PLXNC1: variants seen among roughly 807,000 people sequenced by gnomAD.
PLXNC1 encodes the protein plexin C1.
In PLXNC1, 75 loss-of-function variants were observed where a neutral mutation model predicts 178.2. That is an observed-to-expected ratio of 0.42 (90% confidence interval 0.35 to 0.51). The LOEUF (loss-of-function observed/expected upper bound fraction) is 0.51, where lower values mean the gene tolerates loss of function less well. Ranked by LOEUF, PLXNC1 falls within the 20% of genes least tolerant of loss-of-function variation. PLXNC1 has a pLI of 0.02. For synonymous variants in PLXNC1, 790 were observed against 779.9 expected (o/e 1.01, Z -0.22); for missense variants, 1,503 against 1,984.4 (o/e 0.76, Z 4.61).
chr12:94,150,613 C>G (rs1249853538), intron 1 of PLXNC1, among the ~76,000 whole-genome samples: 1 of 152,262 alleles, frequency 6.6e-6, no homozygotes, highest in Non-Finnish European at 1.5e-5. Context: ...AAATGCCAGC[C>G]TGCAACAGAG....
intron 1 of PLXNC1, among the ~76,000 whole-genome samples, chr12:94,157,123 C>T (rs1961204154): frequency 6.6e-6 from 1 of 152,198 alleles, no homozygotes; most frequent in African/African-American, 2.4e-5. Flanking sequence ...TCATCTTTCC[C>T]ACCAGATGAT....
chr12:94,193,705 G>A (rs1014016148), intron 4 of PLXNC1, among the ~76,000 whole-genome samples: 9 of 152,214 alleles, frequency 5.9e-5, no homozygotes, highest in South Asian at 4.1e-4. Context: ...GAGTCTCAGA[G>A]TGTGCAGTGG....
At chr12:94,289,921 A>G (rs1967114176) in intron 23 of PLXNC1, among the ~76,000 whole-genome samples, 1 of 152,222 alleles carries the variant, frequency 6.6e-6, no homozygotes, top group Admixed American at 6.5e-5. Flanking sequence ...TTTCAGAGTA[A>G]AATTTCCTTG....
intron 21 of PLXNC1, among the ~76,000 whole-genome samples, chr12:94,273,593 C>T (rs1268602596): frequency 6.6e-6 from 1 of 152,196 alleles, no homozygotes; most frequent in Non-Finnish European, 1.5e-5. Context: ...AATGCTCCGT[C>T]TGTACCTCCC....
At chr12:94,259,861 A>G in intron 19 of PLXNC1, 127 bp downstream of exon 19, 3 of 603,682 alleles carry the variant, frequency 5.0e-6, no homozygotes, top group South Asian at 3.6e-5. Context: ...CCAGGAGTTC[A>G]AGACCAGCCT....
intron 10 of PLXNC1, among the ~76,000 whole-genome samples, chr12:94,239,507 G>T (rs763646076): frequency 7.9e-5 from 12 of 152,224 alleles, no homozygotes; most frequent in Non-Finnish European, 1.0e-4. Flanking sequence ...AAGGGTTAGT[G>T]ATAGCATTAA....
intron 2 of PLXNC1, 72 bp from the exon 3 acceptor site, chr12:94,181,374 G>A (rs1458526237): frequency 3.9e-6 from 4 of 1,021,632 alleles, no homozygotes; most frequent in African/African-American, 3.6e-5. Flanking sequence ...GCGACAGAGC[G>A]AGATTCCGTC....
chr12:94,223,207 A>G (rs1363688323), intron 6 of PLXNC1, among the ~76,000 whole-genome samples: 5 of 152,206 alleles, frequency 3.3e-5, no homozygotes, highest in Non-Finnish European at 5.9e-5. Context: ...TGAGGTCAGG[A>G]GTTCAAGACC....
chr12:94,299,065 T>G (rs946990486), intron 27 of PLXNC1, among the ~76,000 whole-genome samples: 2 of 152,242 alleles, frequency 1.3e-5, no homozygotes, highest in African/African-American at 2.4e-5. Context: ...GAAATTTAAG[T>G]TGACCAGTAA....
rs774840536 is a variant in PLXNC1, at chr12:94,304,047, A to G, written c.4598A>G (p.Asp1533Gly). 1 of 1,507,192 alleles carries G rather than the reference A, an allele frequency of 6.6e-7. No homozygotes were observed. The allele number at this position is 1,507,192 out of a possible 1,614,324, so 93.4% of individuals were successfully genotyped here. A position where few individuals can be genotyped will look rare whatever the true frequency, so the allele number is the denominator to read the frequency against. Residue 1533 changes from aspartate (D) to glycine (G), a missense_variant, in exon 30 of 31, where the codon GAT becomes GGT. Asp to Gly is a moderately conservative substitution (Grantham distance 94, BLOSUM62 -1). Coordinates refer to ENST00000258526, the MANE Select transcript of PLXNC1 (RefSeq NM_005761.3). The part of the protein sequence containing the change: ...EIYKYIVKYF[D>G]EILNKLERER... ...TACAAATACATCGTAAAATATTTTG[A>G]TGAGGTAAGATTTTAAATAACATTG... is the stretch of plus-strand genomic sequence containing the variant.
chr12:94,171,610 C>A (rs1156243474), intron 2 of PLXNC1, among the ~76,000 whole-genome samples: 1 of 152,168 alleles, frequency 6.6e-6, no homozygotes, highest in Non-Finnish European at 1.5e-5. Context: ...ACTGACTTTG[C>A]AACCTCTGCC....
intron 30 of PLXNC1, 151 bp downstream of exon 30, chr12:94,304,202 A>G (rs1968772328): frequency 6.8e-6 from 4 of 588,198 alleles, no homozygotes; most frequent in South Asian, 6.6e-5. Context: ...CCTGGCACTG[A>G]GCCAGACCCT....
At chr12:94,177,087 ATG>A (rs1962082029) in intron 2 of PLXNC1, among the ~76,000 whole-genome samples, 1 of 137,914 alleles carries the variant, frequency 7.3e-6, no homozygotes, top group African/African-American at 2.7e-5. Flanking sequence ...GTATATATAT[ATG>A]TGTATATATA....
At chr12:94,223,122 G>A (rs1963840004) in intron 6 of PLXNC1, among the ~76,000 whole-genome samples, 2 of 152,056 alleles carry the variant, frequency 1.3e-5, no homozygotes, top group South Asian at 2.1e-4. Flanking sequence ...GATTTAAAAA[G>A]CACCCTCTCG....
Position 94,178,018 on chromosome 12 carries a change from T to C in PLXNC1, c.1204-3428T>C, listed in dbSNP as rs781656521. 1.1e-3 allele frequency among the ~76,000 whole-genome samples: 170 copies of C among 152,244 alleles called. 2 individuals carry two copies. The highest frequency in any genetic ancestry group is 4.4e-4 in the Non-Finnish European group (30 of 68,044). ...CTTTAGGATCACTTACTATCCAGTC[T>C]GTGTAACTAAGTATTCCCAATTGAT... is the stretch of plus-strand genomic sequence containing the variant. On this transcript the variant is annotated intron_variant, in intron 2 of 30. Coordinates refer to ENST00000258526, the MANE Select transcript of PLXNC1 (RefSeq NM_005761.3).
chr12:94,292,187 A>C (rs1022327959), intron 23 of PLXNC1, among the ~76,000 whole-genome samples: 9 of 152,236 alleles, frequency 5.9e-5, no homozygotes, highest in African/African-American at 2.2e-4. Context: ...CTCAAAATCT[A>C]GACACAGTAC....
chr12:94,279,921 T>C (rs752985132), intron 22 of PLXNC1: 14 of 578,392 alleles, frequency 2.4e-5, no homozygotes, highest in Non-Finnish European at 3.5e-5. Flanking sequence ...ATTGATGAGA[T>C]TGCAGGCCCT....
rs530514533 is a variant in PLXNC1 at position 94,260,178 on chromosome 12, C to T, written c.3251+444C>T. Among the ~76,000 whole-genome samples the T allele has an allele frequency of 2.2e-4, 34 of 152,116 alleles. No individual in the cohort carries two copies. The highest frequency in any genetic ancestry group is 2.1e-3 in the South Asian group (10 of 4,820). On this transcript the variant is annotated intron_variant, in intron 19 of 30. Transcript: ENST00000258526. The surrounding 1 kb of genome is among the most constrained non-coding windows in gnomAD (Gnocchi z 4.4). ...AGCTACCCTCCTGCCTCAGCCTCCC[C>T]AAGTAGCTGGAACTACAGGTGCATG... is the stretch of plus-strand genomic sequence containing the variant.
chr12:94,225,098 C>A (rs1307378778), intron 7 of PLXNC1, among the ~76,000 whole-genome samples: 1 of 152,168 alleles, frequency 6.6e-6, no homozygotes, highest in Non-Finnish European at 1.5e-5. Context: ...TACATAGGCC[C>A]CTGAGTTAGT....
Sources: gnomAD v4.1 joint callset for allele counts (sites outside exome capture counted in the v4.1 genomes callset) on GRCh38, gnomAD v4.1.1 for gene constraint, Gnocchi (gnomAD v3.1) non-coding constraint, MANE v1.5 for transcripts, NCBI Gene and HGNC (gene_info 2026-07-23, HGNC 2026-07-21) for gene names.